Variants in PTPN4 observed in about 807,000 individuals in gnomAD.
The protein encoded by PTPN4 is protein tyrosine phosphatase non-receptor type 4, also known as tyrosine-protein phosphatase non-receptor type 4.
A neutral mutation model predicts 135.5 loss-of-function variants in PTPN4; 49 were observed. The observed-to-expected ratio is 0.36, with a 90% confidence interval of 0.29 to 0.46. The LOEUF (loss-of-function observed/expected upper bound fraction) is 0.46. PTPN4 is among the 20% of genes least tolerant of loss of function. PTPN4 has a pLI of 1.00. For synonymous variants in PTPN4, 333 were observed against 369.9 expected (o/e 0.90, Z 1.14); for missense variants, 860 against 1,101.0 (o/e 0.78, Z 3.10).
At chr2:119,876,233 A>T (rs183170126) in intron 3 of PTPN4, among the ~76,000 whole-genome samples, 19 of 152,326 alleles carry the variant, frequency 1.2e-4, no homozygotes, top group African/African-American at 4.3e-4. Context: ...AATGAGTGAC[A>T]TACTCAAAGT....
intron 10 of PTPN4, among the ~76,000 whole-genome samples, chr2:119,910,349 G>A (rs190608095): frequency 3.9e-5 from 6 of 152,130 alleles, no homozygotes; most frequent in African/African-American, 1.4e-4. Flanking sequence ...AAAAAATAGT[G>A]TGACTCACTT....
At chr2:119,811,071 G>A (rs920513545) in intron 2 of PTPN4, among the ~76,000 whole-genome samples, 1 of 151,880 alleles carries the variant, frequency 6.6e-6, no homozygotes, top group East Asian at 1.9e-4. Flanking sequence ...CTTACACCGG[G>A]GCCAGTCGGG....
chr2:119,785,511 C>G (rs1558724904), intron 1 of PTPN4, among the ~76,000 whole-genome samples: 1 of 151,970 alleles, frequency 6.6e-6, no homozygotes. Flanking sequence ...GTTAAATATA[C>G]TGTTATATAT....
At chr2:119,876,934 T>TGC (rs1054759478) in intron 3 of PTPN4, among the ~76,000 whole-genome samples, 6 of 147,772 alleles carry the variant, frequency 4.1e-5, no homozygotes, top group African/African-American at 1.6e-4. Flanking sequence ...TGTGTGTGTG[T>TGC]GTGTGTGCGT....
chr2:119,798,212 G>T (rs1691299093), intron 1 of PTPN4, among the ~76,000 whole-genome samples: 1 of 151,086 alleles, frequency 6.6e-6, no homozygotes, highest in Admixed American at 6.6e-5. Flanking sequence ...TGTCACCCAG[G>T]CTGGAGTGCA....
intron 15 of PTPN4, among the ~76,000 whole-genome samples, chr2:119,936,472 T>C (rs968611466): frequency 5.9e-5 from 9 of 152,188 alleles, no homozygotes; most frequent in Non-Finnish European, 1.0e-4. Context: ...GTTCTTGTGA[T>C]AATGAATGAG....
Position 119,982,433 on chromosome 2 carries a change from G to A in PTPN4, c.*5363G>A, listed in dbSNP as rs1215410954. 1 of 150,374 alleles carries A rather than the reference G, an allele frequency of 6.7e-6. No individual in the cohort carries two copies. The highest frequency in any genetic ancestry group is 2.0e-4 in the East Asian group (1 of 5,114). 9.3% of individuals were successfully genotyped at this position (150,374 alleles called of 1,614,324 possible). A position where few individuals can be genotyped will look rare whatever the true frequency, so the allele number is the denominator to read the frequency against. The stretch of plus-strand genomic sequence containing the variant: ...CACGGGATTGAAAAGAAAGGGAAGA[G>A]TATTACACTTCATTGTACAAAATGT... On this transcript the variant is annotated 3_prime_UTR_variant, in exon 27 of 27. Transcript: ENST00000263708.
intron 2 of PTPN4, among the ~76,000 whole-genome samples, chr2:119,826,890 A>C (rs1017538553): frequency 6.6e-6 from 1 of 152,096 alleles, no homozygotes; most frequent in African/African-American, 2.4e-5. Context: ...TTAGTCAGGC[A>C]TGGTGGCATG....
At chr2:119,867,722 T>C (rs1299549747) in intron 3 of PTPN4, among the ~76,000 whole-genome samples, 2 of 152,206 alleles carry the variant, frequency 1.3e-5, no homozygotes, top group Non-Finnish European at 2.9e-5. Context: ...AACTTTGTGT[T>C]TCTGGGATAA....
intron 1 of PTPN4, among the ~76,000 whole-genome samples, chr2:119,775,012 T>TA (rs985058567): frequency 5.4e-4 from 71 of 132,198 alleles, no homozygotes; most frequent in African/African-American, 1.1e-3. Flanking sequence ...GCGAGACTGC[T>TA]AAAAAAAAAA....
chr2:119,911,500 TTC>T (rs1352500004), intron 10 of PTPN4, among the ~76,000 whole-genome samples: 2 of 152,204 alleles, frequency 1.3e-5, no homozygotes, highest in Non-Finnish European at 1.5e-5. Context: ...ACAAGGCACT[TTC>T]TATTTTGATT....
At chr2:119,825,148 A>G (rs1380750546) in intron 2 of PTPN4, among the ~76,000 whole-genome samples, 2 of 152,178 alleles carry the variant, frequency 1.3e-5, no homozygotes, top group East Asian at 1.9e-4. Context: ...TTGTCCATCT[A>G]TCAACTTGCT....
rs1187367972 is a variant in PTPN4 at position 119,809,899 on chromosome 2, C to T, written c.46C>T (p.Arg16Ter). Residue 16 changes from arginine to a stop codon, truncating the protein, a stop_gained, in exon 2 of 27, where the codon CGA becomes TGA. Coordinates refer to ENST00000263708, the MANE Select transcript of PTPN4 (RefSeq NM_002830.4). LOFTEE classifies it high-confidence loss of function. ...RLPAGRTYNV[R>*]ASELARDRQH... is the part of the protein sequence containing the mutation. The stretch of plus-strand genomic sequence containing the variant: ...GCCTGCTGGCAGAACCTACAATGTA[C>T]GAGCATCAGAGTTGGCCCGAGACAG... The T allele has an allele frequency of 1.2e-6, 2 of 1,613,242 alleles. No homozygotes were observed. Among genetic ancestry groups the T allele is most frequent in the Non-Finnish European group, 1.7e-6 (2 of 1,179,734 alleles).
chr2:119,958,330 A>AC (rs1481048236), intron 22 of PTPN4, among the ~76,000 whole-genome samples: 3 of 136,810 alleles, frequency 2.2e-5, no homozygotes, highest in Non-Finnish European at 4.5e-5. Context: ...GACCCGTCTA[A>AC]AAAAAAAAAA....
At chr2:119,763,212 T>G (rs1290897952) in intron 1 of PTPN4, among the ~76,000 whole-genome samples, 2 of 152,198 alleles carry the variant, frequency 1.3e-5, no homozygotes, top group African/African-American at 2.4e-5. Context: ...CTTCATTTCA[T>G]TATTCTTAAG....
At chr2:119,880,768 ATTATAT>A (rs1239731874) in intron 5 of PTPN4, among the ~76,000 whole-genome samples, 1 of 152,022 alleles carries the variant, frequency 6.6e-6, no homozygotes, top group African/African-American at 2.4e-5. Context: ...GAGTAAATAG[ATTATAT>A]TTATAATATT....
At chr2:119,773,303 T>A (rs990210729) in intron 1 of PTPN4, among the ~76,000 whole-genome samples, 17 of 152,148 alleles carry the variant, frequency 1.1e-4, no homozygotes, top group African/African-American at 3.9e-4. Flanking sequence ...TTGAACAACA[T>A]GGATTTGAAC....
At chr2:119,820,039 T>C (rs1677042614) in intron 2 of PTPN4, among the ~76,000 whole-genome samples, 1 of 152,080 alleles carries the variant, frequency 6.6e-6, no homozygotes, top group African/African-American at 2.4e-5. Flanking sequence ...TTTAAAAAAT[T>C]CTTTAGAGAC....
intron 15 of PTPN4, among the ~76,000 whole-genome samples, chr2:119,944,321 A>G (rs1679103571): frequency 6.6e-6 from 1 of 152,128 alleles, no homozygotes; most frequent in Admixed American, 6.5e-5. Context: ...GTGGATGCAT[A>G]CTTCTTAAGA....
Sources: gnomAD v4.1 joint callset for allele counts (sites outside exome capture counted in the v4.1 genomes callset) on GRCh38, gnomAD v4.1.1 for gene constraint, MANE v1.5 for transcripts, NCBI Gene and HGNC (gene_info 2026-07-23, HGNC 2026-07-21) for gene names.